MAK: variants seen among roughly 807,000 people sequenced by gnomAD.
MAK encodes male germ cell associated kinase.
Under a neutral mutation model 82.6 loss-of-function variants are expected in MAK, and 65 were observed. That is an observed-to-expected ratio of 0.79 (90% CI 0.64 to 0.97). The LOEUF (loss-of-function observed/expected upper bound fraction) is 0.97, where lower values mean the gene tolerates loss of function less well. Among genes scored for constraint, MAK ranks in the 50% least tolerant of loss-of-function variants. The pLI is 0.00. For synonymous variants in MAK, 250 were observed against 274.2 expected (o/e 0.91, Z 0.87); for missense variants, 703 against 780.2 (o/e 0.90, Z 1.18).
intron 8 of MAK, chr6:10,797,852 C>T: frequency 7.8e-7 from 1 of 1,285,212 alleles, no homozygotes; most frequent in Non-Finnish European, 1.0e-6. Flanking sequence ...TTAGGTCTTT[C>T]CACTTCCACT....
intron 8 of MAK, 32 bp downstream of exon 8, chr6:10,801,860 T>C: frequency 1.2e-6 from 2 of 1,608,560 alleles, no homozygotes; most frequent in South Asian, 2.2e-5. Flanking sequence ...ACCTAAACAT[T>C]TTTAAAGGTC....
chr6:10,816,961 A>C (rs1392126520), intron 4 of MAK, among the ~76,000 whole-genome samples: 2 of 152,200 alleles, frequency 1.3e-5, no homozygotes, highest in Non-Finnish European at 2.9e-5. Flanking sequence ...GGGACTCTGA[A>C]AAAGTAAAAA....
At chr6:10,815,945 T>TATATATATATATATATATATATAAAA (rs1171616235) in intron 4 of MAK, among the ~76,000 whole-genome samples, 9 of 116,848 alleles carry the variant, frequency 7.7e-5, no homozygotes, top group African/African-American at 2.6e-4. Context: ...TATATATATA[T>TATATATATATATATATATATATAAAA]ATGTATGTTT....
At chr6:10,802,347 C>A (rs932960532) in intron 7 of MAK, 4 of 349,794 alleles carry the variant, frequency 1.1e-5, no homozygotes, top group Middle Eastern at 9.0e-4. Flanking sequence ...GCTCTGTTAT[C>A]CAGGTTGGAG....
At chr6:10,833,181 C>T (rs1003222072) in intron 1 of MAK, among the ~76,000 whole-genome samples, 8 of 152,114 alleles carry the variant, frequency 5.3e-5, no homozygotes, top group South Asian at 2.1e-4. Flanking sequence ...ACAGCCTTTC[C>T]GGGAAAAGAA....
intron 4 of MAK, among the ~76,000 whole-genome samples, chr6:10,815,350 C>T (rs192548347): frequency 2.8e-3 from 428 of 151,580 alleles, no homozygotes; most frequent in Non-Finnish European, 5.1e-3. Context: ...GGGCTGGGTG[C>T]GGTGGCTCCC....
At chr6:10,832,552 G>A (rs1778886991) in intron 1 of MAK, among the ~76,000 whole-genome samples, 1 of 152,184 alleles carries the variant, frequency 6.6e-6, no homozygotes, top group Non-Finnish European at 1.5e-5. Flanking sequence ...CCAGCAAAAA[G>A]ACTATGACTC....
intron 1 of MAK, among the ~76,000 whole-genome samples, chr6:10,836,301 T>C (rs1322476018): frequency 2.0e-5 from 3 of 152,212 alleles, no homozygotes; most frequent in Non-Finnish European, 2.9e-5. Context: ...CTTTACATAC[T>C]GCGCTCCCTA....
At chr6:10,798,842 ATTTT>A (rs869103057) in intron 8 of MAK, among the ~76,000 whole-genome samples, 3 of 126,006 alleles carry the variant, frequency 2.4e-5, no homozygotes, top group African/African-American at 8.8e-5. Flanking sequence ...TTATTTATTT[ATTTT>A]TGAGACAGAG....
At chr6:10,815,954 T>TA (rs1777470109) in intron 4 of MAK, among the ~76,000 whole-genome samples, 1 of 112,960 alleles carries the variant, frequency 8.9e-6, no homozygotes, top group African/African-American at 4.4e-5. Flanking sequence ...ATATGTATGT[T>TA]TTCTTTTTTG....
chr6:10,807,624 G>C (rs147021191), intron 6 of MAK, among the ~76,000 whole-genome samples: 2,699 of 151,910 alleles, frequency 0.018, 80 homozygotes, highest in African/African-American at 0.054. Context: ...ACAGGCGTGA[G>C]CCACCATGCC....
chr6:10,792,517 A>G (rs1164829884), intron 9 of MAK, among the ~76,000 whole-genome samples: 1 of 152,224 alleles, frequency 6.6e-6, no homozygotes, highest in Non-Finnish European at 1.5e-5. Flanking sequence ...AGAGGGAAGT[A>G]TGAGTCTGAC....
At chr6:10,783,998 G>A (rs948710437) in intron 11 of MAK, among the ~76,000 whole-genome samples, 28 of 152,052 alleles carry the variant, frequency 1.8e-4, no homozygotes, top group Non-Finnish European at 2.9e-4. Flanking sequence ...CAGCCTGGGC[G>A]ACAGAGCGAG....
In MAK at chr6:10,791,821, T is replaced by C; in HGVS notation, c.1170A>G (p.Lys390=). ...PTKPNGTLSH[K]SGRRRWGQTI... is the part of the protein sequence containing the mutation. ...TCTGACCCCAACGCCTCCTACCACT[T>C]TTATGACTCAGTGTGCCATTTGGCT... The change falls in exon 10 of 15, where the codon AAA becomes AAG. Residue 390 remains lysine (K), a synonymous_variant. Transcript: ENST00000354489. 1.2e-6 allele frequency: 2 copies of C among 1,614,126 alleles called. No homozygotes were observed. Among genetic ancestry groups the C allele is most frequent in the South Asian group, 2.2e-5 (2 of 91,082 alleles).
At chr6:10,790,971 T>C (rs2127541545) in intron 10 of MAK, among the ~76,000 whole-genome samples, 1 of 152,346 alleles carries the variant, frequency 6.6e-6, no homozygotes, top group African/African-American at 2.4e-5. Flanking sequence ...TCTCTTGCCA[T>C]GTGACAGGCT....
At chr6:10,784,746 A>G in intron 10 of MAK, 174 bp from the exon 11 acceptor site, 1 of 692,152 alleles carries the variant, frequency 1.4e-6, no homozygotes, top group South Asian at 1.5e-5. Context: ...ACCCGCGTAG[A>G]TATTGGGTCG....
At chr6:10,813,139 T>G (rs1413914997) in intron 5 of MAK, among the ~76,000 whole-genome samples, 1 of 10,954 alleles carries the variant, frequency 9.1e-5, no homozygotes, top group East Asian at 2.5e-3. Context: ...TATATAAATT[T>G]TTTTTTTTTT....
rs2127532782 is a variant in MAK at position 10,784,513 on chromosome 6, G to C, written c.1376C>G (p.Pro459Arg). 6.2e-7 allele frequency: 1 copy of C among 1,614,174 alleles called. No homozygotes were observed. Among genetic ancestry groups the C allele is most frequent in the Non-Finnish European group, 8.5e-7 (1 of 1,180,000 alleles). ...NHSTGENKSL[P>R]AVTSLKSDSE... The stretch of plus-strand genomic sequence containing the variant: ...ATCAGATTTTAGGGAAGTAACAGCA[G>C]GTAAGCTCTTGTTTTCCCCTGTCGA... The change falls in exon 11 of 15, where the codon CCT becomes CGT. Residue 459 changes from proline to arginine, a missense_variant. Coordinates refer to ENST00000354489, the MANE Select transcript of MAK (RefSeq NM_001242957.3).
intron 1 of MAK, among the ~76,000 whole-genome samples, chr6:10,837,089 C>T (rs1371332763): frequency 6.6e-6 from 1 of 152,118 alleles, no homozygotes; most frequent in East Asian, 1.9e-4. Flanking sequence ...CAAGCGTCTG[C>T]CAAAAACTGA....
Sources: allele counts gnomAD v4.1 joint callset (sites outside exome capture counted in the v4.1 genomes callset), GRCh38; gene constraint gnomAD v4.1.1; transcripts MANE v1.5; gene names NCBI Gene and HGNC (gene_info 2026-07-23, HGNC 2026-07-21).